The following TEC variants were observed in gnomAD, a reference collection of about 807,000 sequenced individuals.
The protein encoded by TEC is tyrosine-protein kinase Tec.
In TEC, 72 loss-of-function variants were observed where a neutral mutation model predicts 93.0. The observed-to-expected ratio is 0.77, with a 90% confidence interval of 0.64 to 0.94. TEC has a LOEUF of 0.94. Among genes scored for constraint, TEC ranks in the 40% least tolerant of loss-of-function variants. The pLI, the probability that TEC is intolerant of heterozygous loss-of-function variation, is 0.00. For synonymous variants in TEC, 249 were observed against 247.7 expected (o/e 1.01, Z -0.05); for missense variants, 630 against 757.9 (o/e 0.83, Z 1.98).
intron 9 of TEC, among the ~76,000 whole-genome samples, chr4:48,152,768 C>T (rs1271200142): frequency 6.6e-6 from 1 of 152,100 alleles, no homozygotes; most frequent in East Asian, 1.9e-4. Context: ...TGGAAGAATC[C>T]TGTGGGCATG....
At chr4:48,202,699 A>G (rs73138445) in intron 2 of TEC, among the ~76,000 whole-genome samples, 159 of 152,324 alleles carry the variant, frequency 1.0e-3, no homozygotes, top group African/African-American at 3.7e-3. Flanking sequence ...TCCCCATAAC[A>G]ACCCTTTGAG....
chr4:48,151,048 TC>T, intron 9 of TEC, 106 bp from the exon 10 acceptor site: 2 of 741,146 alleles, frequency 2.7e-6, no homozygotes, highest in Non-Finnish European at 4.0e-6. Context: ...TATTATTCTT[TC>T]CCAGAAAAAA....
intron 2 of TEC, among the ~76,000 whole-genome samples, chr4:48,181,399 G>T (rs989224567): frequency 9.2e-5 from 14 of 152,054 alleles, no homozygotes; most frequent in African/African-American, 3.1e-4. Context: ...GAAGGGCTGG[G>T]CACCGTGGTT....
rs1427207673 is a variant in TEC, at chr4:48,145,128, C to T, written c.1421G>A (p.Cys474Tyr). The change falls in exon 14 of 18, where the codon TGT becomes TAT. Residue 474 changes from cysteine (C) to tyrosine (Y), a missense_variant. Physicochemically the swap from Cys to Tyr is radical, Grantham distance 194 (BLOSUM62 -2). This residue lies in a region of TEC where 289 missense variants were observed against 390.0 expected (regional missense o/e 0.74). Coordinates refer to ENST00000381501, the MANE Select transcript of TEC (RefSeq NM_003215.3). ...TCTCTCCAGATACTCCATCCCTTCA[C>T]ACACATCCTGACACATGCTCAGCAG... ...DVLLSMCQDV[C>Y]EGMEYLERNS... The T allele has an allele frequency of 2.5e-6, 4 of 1,614,038 alleles. No individual in the cohort carries two copies. The highest frequency in any genetic ancestry group is 8.5e-7 in the Non-Finnish European group (1 of 1,179,924).
chr4:48,181,706 G>T (rs553456091), intron 2 of TEC, among the ~76,000 whole-genome samples: 2 of 126,246 alleles, frequency 1.6e-5, no homozygotes, highest in African/African-American at 5.7e-5. Flanking sequence ...AAAAAGAAAA[G>T]AATTGGAAGG....
At chr4:48,161,977 G>A (rs758644550) in intron 8 of TEC, among the ~76,000 whole-genome samples, 35 of 152,022 alleles carry the variant, frequency 2.3e-4, no homozygotes, top group Non-Finnish European at 3.8e-4. Context: ...GCTTGCAGAC[G>A]GCCTATTATG....
intron 2 of TEC, among the ~76,000 whole-genome samples, chr4:48,178,187 T>TAGC (rs1721411864): frequency 9.1e-6 from 1 of 109,690 alleles, no homozygotes; most frequent in African/African-American, 3.2e-5. Flanking sequence ...CCTTGTGTAG[T>TAGC]GAAGAGAACC....
At chr4:48,206,050 T>C (rs1370167750) in intron 2 of TEC, among the ~76,000 whole-genome samples, 5 of 152,200 alleles carry the variant, frequency 3.3e-5, no homozygotes, top group African/African-American at 1.2e-4. Context: ...TTGAAAACGT[T>C]ATGCTTAGTG....
chr4:48,209,414 C>T (rs184177503), intron 2 of TEC, among the ~76,000 whole-genome samples: 1 of 150,504 alleles, frequency 6.6e-6, no homozygotes, highest in East Asian at 2.0e-4. Context: ...ACCAGCCTGG[C>T]AACATAGAGA....
intron 14 of TEC, among the ~76,000 whole-genome samples, chr4:48,144,412 C>T (rs1289727440): frequency 1.3e-5 from 2 of 152,018 alleles, no homozygotes; most frequent in Admixed American, 1.3e-4. Context: ...TGATTATTTT[C>T]AGGGGACAGA....
intron 4 of TEC, among the ~76,000 whole-genome samples, chr4:48,170,669 T>C (rs569111924): frequency 1.3e-5 from 2 of 152,360 alleles, no homozygotes; most frequent in East Asian, 1.9e-4. Flanking sequence ...ATGAGGACTA[T>C]GCAGGACAAA....
Position 48,145,443 on chromosome 4 carries a change from G to C in TEC, c.1218C>G (p.Cys406Trp), listed in dbSNP as rs961818658. The change falls in exon 13 of 18, where the codon TGC (cysteine) becomes TGG (tryptophan). Residue 406 changes from cysteine to tryptophan, a missense_variant. Coordinates refer to ENST00000381501, the MANE Select transcript of TEC (RefSeq NM_003215.3). ...AIKAIREGAM[C>W]EEDFIEEAKV... ...TAGCTTCTTCTATAAAGTCCTCCTC[G>C]CACATTGCACCTTCCCGAATAGCTT... 6.2e-7 allele frequency: 1 copy of C among 1,614,050 alleles called. No individual in the cohort carries two copies.
At chr4:48,173,908 T>C (rs1324212047) in intron 3 of TEC, among the ~76,000 whole-genome samples, 3 of 152,176 alleles carry the variant, frequency 2.0e-5, no homozygotes, top group Non-Finnish European at 4.4e-5. Flanking sequence ...ATTCTCTCCA[T>C]CCGTCCTACT....
At chr4:48,196,715 T>C (rs1029213502) in intron 2 of TEC, among the ~76,000 whole-genome samples, 3 of 152,230 alleles carry the variant, frequency 2.0e-5, no homozygotes, top group Admixed American at 6.5e-5. Flanking sequence ...CCTCAGGTCA[T>C]GACAAATATC....
intron 13 of TEC, 40 bp downstream of exon 13, chr4:48,145,368 T>A: frequency 6.2e-7 from 1 of 1,613,004 alleles, no homozygotes; most frequent in Non-Finnish European, 8.5e-7. Flanking sequence ...GGCCACTTCT[T>A]AATACAAAAA....
chr4:48,150,360 T>A (rs75130319), intron 10 of TEC, among the ~76,000 whole-genome samples: 2,456 of 152,254 alleles, frequency 0.016, 66 homozygotes, highest in African/African-American at 0.053. Flanking sequence ...CCTCCAAGTT[T>A]TTCCTGCTCG....
At chr4:48,235,281 T>A (rs1453295018) in intron 1 of TEC, among the ~76,000 whole-genome samples, 2 of 152,196 alleles carry the variant, frequency 1.3e-5, no homozygotes, top group Non-Finnish European at 2.9e-5. Flanking sequence ...TGACTCCATT[T>A]CTGTTTGGTC....
intron 1 of TEC, among the ~76,000 whole-genome samples, chr4:48,262,201 C>CTT (rs10659576): frequency 6.2e-5 from 5 of 80,208 alleles, no homozygotes; most frequent in South Asian, 5.8e-4. Flanking sequence ...CCAAATGTCT[C>CTT]TTTTTTTTTT....
At chr4:48,200,394 T>A (rs1722462312) in intron 2 of TEC, among the ~76,000 whole-genome samples, 1 of 152,142 alleles carries the variant, frequency 6.6e-6, no homozygotes, top group African/African-American at 2.4e-5. Context: ...ATTGGGATAA[T>A]AATTTCTTGT....
Sources: allele counts gnomAD v4.1 joint callset (sites outside exome capture counted in the v4.1 genomes callset), GRCh38; gene constraint gnomAD v4.1.1; regional missense constraint gnomAD v4.1.1; transcripts MANE v1.5; gene names NCBI Gene and HGNC (gene_info 2026-07-23, HGNC 2026-07-21).